The following CERS6 variants were observed in gnomAD, a reference collection of about 807,000 sequenced individuals.
CERS6 encodes the protein LAG1 homolog, ceramide synthase 6.
Under a neutral mutation model 56.8 loss-of-function variants are expected in CERS6, and 26 were observed. The ratio of observed to expected loss-of-function variants is 0.46; its 90% confidence interval spans 0.34 to 0.63. The LOEUF (loss-of-function observed/expected upper bound fraction) is 0.63, where lower values mean the gene tolerates loss of function less well. Among genes scored for constraint, CERS6 ranks in the 30% least tolerant of loss-of-function variants. CERS6 has a pLI of 0.01. For missense variants in CERS6, 415 were observed against 467.5 expected (o/e 0.89, Z 1.04); for synonymous variants, 164 against 173.3 (o/e 0.95, Z 0.42).
intron 3 of CERS6, among the ~76,000 whole-genome samples, chr2:168,626,287 C>T (rs1045199634): frequency 3.3e-5 from 5 of 152,124 alleles, no homozygotes; most frequent in Non-Finnish European, 5.9e-5. Context: ...AAACGGCCCT[C>T]GTATGCCTGC....
At chr2:168,631,679 TTATATTTATA>T (rs1190738617) in intron 4 of CERS6, among the ~76,000 whole-genome samples, 7 of 76,444 alleles carry the variant, frequency 9.2e-5, no homozygotes, top group Non-Finnish European at 1.8e-4. Flanking sequence ...ATATTTATAT[TTATATTTATA>T]TATATTTAAT....
intron 3 of CERS6, among the ~76,000 whole-genome samples, chr2:168,609,624 T>A (rs1684136106): frequency 6.6e-6 from 1 of 152,230 alleles, no homozygotes; most frequent in African/African-American, 2.4e-5. Context: ...AGTCCCCTGT[T>A]GAGAGCCACT....
intron 1 of CERS6, among the ~76,000 whole-genome samples, chr2:168,472,907 G>GAT (rs1694003539): frequency 6.6e-6 from 1 of 152,124 alleles, no homozygotes; most frequent in African/African-American, 2.4e-5. Context: ...GAAAAAACCA[G>GAT]ATATTTTGAA....
chr2:168,456,752 G>A lies in CERS6; in HGVS notation c.170+134G>A. On this transcript the variant is annotated intron_variant, in intron 1 of 9. Coordinates refer to ENST00000305747, the MANE Select transcript of CERS6 (RefSeq NM_203463.3). This position sits in a 1 kb window ranked among gnomAD's most constrained non-coding sequence, Gnocchi z 4.1. ...GCCTCCCAACCTTTGTGTTCGGGGA[G>A]GGGTTGCTGACCCCCCTGCCCCGCT... The A allele has an allele frequency of 1.2e-6, 1 of 820,028 alleles. No individual in the cohort carries two copies. Among genetic ancestry groups the A allele is most frequent in the Non-Finnish European group, 1.9e-6 (1 of 527,558 alleles). 50.8% of individuals were successfully genotyped at this position (820,028 alleles called of 1,614,324 possible). A position where few individuals can be genotyped will look rare whatever the true frequency, so the allele number is the denominator to read the frequency against.
chr2:168,479,213 G>A (rs1241099485), intron 1 of CERS6, among the ~76,000 whole-genome samples: 3 of 152,096 alleles, frequency 2.0e-5, no homozygotes, highest in Non-Finnish European at 4.4e-5. Flanking sequence ...TTTAGAGACA[G>A]AGTTTAAAAC....
At chr2:168,486,113 C>T (rs1574015072) in intron 1 of CERS6, among the ~76,000 whole-genome samples, 1 of 152,072 alleles carries the variant, frequency 6.6e-6, no homozygotes, top group Non-Finnish European at 1.5e-5. Flanking sequence ...TGATATTGAA[C>T]ATCTTTTCAT....
intron 1 of CERS6, among the ~76,000 whole-genome samples, chr2:168,544,914 T>C (rs998702422): frequency 5.3e-5 from 8 of 151,952 alleles, no homozygotes; most frequent in Non-Finnish European, 1.0e-4. Context: ...CTGCTTGGTA[T>C]AATACTTTCA....
intron 8 of CERS6, among the ~76,000 whole-genome samples, chr2:168,764,335 C>G (rs1326605851): frequency 1.3e-5 from 2 of 151,906 alleles, no homozygotes; most frequent in Non-Finnish European, 2.9e-5. Flanking sequence ...ATAGAGACGG[C>G]GTTGCACCAT....
intron 8 of CERS6, among the ~76,000 whole-genome samples, chr2:168,748,294 T>C (rs542814386): frequency 6.6e-6 from 1 of 152,306 alleles, no homozygotes; most frequent in African/African-American, 2.4e-5. Flanking sequence ...ACTATGGAAA[T>C]AAGTAATTAA....
intron 8 of CERS6, among the ~76,000 whole-genome samples, chr2:168,734,956 T>C (rs576178259): frequency 3.3e-5 from 5 of 152,314 alleles, no homozygotes; most frequent in Admixed American, 3.3e-4. Context: ...AATGACACTA[T>C]AGAGTTTCAG....
intron 4 of CERS6, among the ~76,000 whole-genome samples, chr2:168,663,833 T>TTTTG (rs1172761026): frequency 1.3e-5 from 2 of 152,182 alleles, no homozygotes; most frequent in African/African-American, 2.4e-5. Context: ...ATGGGTGATT[T>TTTTG]TTTGTTTGTT....
intron 2 of CERS6, among the ~76,000 whole-genome samples, chr2:168,556,926 G>C (rs1021598813): frequency 6.7e-6 from 1 of 149,604 alleles, no homozygotes. Flanking sequence ...AGGCTGAGGT[G>C]GGAAGACCGC....
At chr2:168,751,714 T>C (rs1684273520) in intron 8 of CERS6, among the ~76,000 whole-genome samples, 1 of 152,008 alleles carries the variant, frequency 6.6e-6, no homozygotes, top group Non-Finnish European at 1.5e-5. Flanking sequence ...CCACCCCCAT[T>C]CCCAAATTTT....
chr2:168,687,837 G>T (rs956209688), intron 4 of CERS6, among the ~76,000 whole-genome samples: 2 of 152,072 alleles, frequency 1.3e-5, no homozygotes, highest in East Asian at 3.9e-4. Flanking sequence ...CTGAGTAGCT[G>T]GGACTATAGG....
intron 4 of CERS6, among the ~76,000 whole-genome samples, chr2:168,663,142 T>G (rs1324479385): frequency 6.6e-6 from 1 of 152,220 alleles, no homozygotes; most frequent in East Asian, 1.9e-4. Context: ...CCTGATGCTT[T>G]TGAGCTACTG....
At chr2:168,610,557 C>G (rs1381440396) in intron 3 of CERS6, among the ~76,000 whole-genome samples, 1 of 152,102 alleles carries the variant, frequency 6.6e-6, no homozygotes, top group African/African-American at 2.4e-5. Flanking sequence ...GAGAACTGAG[C>G]AAAAGTTCAT....
At chr2:168,473,950 C>G (rs1160850168) in intron 1 of CERS6, among the ~76,000 whole-genome samples, 1 of 152,096 alleles carries the variant, frequency 6.6e-6, no homozygotes, top group African/African-American at 2.4e-5. Flanking sequence ...CCCAGCTACT[C>G]AAGAGGCTGA....
rs77205682 is a variant in CERS6 at position 168,632,166 on chromosome 2, G to A, written c.465+1124G>A. The stretch of plus-strand genomic sequence containing the variant: ...TGTGAAGGCCTATCTTCTCATAGTC[G>A]TACACATATTAACAATAGTGATTTG... On this transcript the variant is annotated intron_variant, in intron 4 of 9. Coordinates refer to ENST00000305747, the MANE Select transcript of CERS6 (RefSeq NM_203463.3). 1.4e-3 allele frequency among the ~76,000 whole-genome samples: 216 copies of A among 151,750 alleles called. 4 individuals carry two copies. The East Asian group carries it at 0.025, about 18-fold the overall frequency.
At chr2:168,613,376 G>A (rs1684233953) in intron 3 of CERS6, among the ~76,000 whole-genome samples, 1 of 152,126 alleles carries the variant, frequency 6.6e-6, no homozygotes, top group Non-Finnish European at 1.5e-5. Context: ...GCTGAGGATG[G>A]AACCCCAGGT....
Sources: gnomAD v4.1 joint callset for allele counts (sites outside exome capture counted in the v4.1 genomes callset) on GRCh38, gnomAD v4.1.1 for gene constraint, Gnocchi (gnomAD v3.1) non-coding constraint, MANE v1.5 for transcripts, NCBI Gene and HGNC (gene_info 2026-07-23, HGNC 2026-07-21) for gene names.